Variants in TCERG1 observed in about 807,000 individuals in gnomAD.
TCERG1 encodes the protein TATA box binding protein (TBP)-associated factor, RNA polymerase II, S, 150kD.
A neutral mutation model predicts 144.7 loss-of-function variants in TCERG1; 37 were observed. That is an observed-to-expected ratio of 0.26 (90% CI 0.20 to 0.34). The LOEUF (loss-of-function observed/expected upper bound fraction) is 0.34, where lower values mean the gene tolerates loss of function less well. Ranked by LOEUF, TCERG1 falls within the 10% of genes least tolerant of loss-of-function variation. TCERG1 has a pLI of 1.00. For synonymous variants in TCERG1, 492 were observed against 458.2 expected (o/e 1.07, Z -0.94); for missense variants, 1,027 against 1,380.7 (o/e 0.74, Z 4.06).
intron 14 of TCERG1, among the ~76,000 whole-genome samples, chr5:146,483,097 T>C (rs1199673424): frequency 1.3e-5 from 2 of 152,200 alleles, no homozygotes; most frequent in Admixed American, 1.3e-4. Flanking sequence ...GAACTGATAC[T>C]TTGTGATATT....
intron 5 of TCERG1, among the ~76,000 whole-genome samples, chr5:146,464,303 T>C (rs2150327598): frequency 6.6e-6 from 1 of 152,354 alleles, no homozygotes; most frequent in East Asian, 1.9e-4. Flanking sequence ...GATTTGAGCC[T>C]GTGCCCTCCA....
Position 146,508,521 on chromosome 5 carries a change from T to C in TCERG1, c.3045+565T>C, listed in dbSNP as rs149355069. ...AATATTCTTCCCCCTCAAAGTCTAT[T>C]GGATTGTAGATGTTTGGACCATAAA... On this transcript the variant is annotated intron_variant, in intron 21 of 22. Transcript: ENST00000679501. 7.2e-5 allele frequency among the ~76,000 whole-genome samples: 11 copies of C among 152,314 alleles called. 1 individual carries two copies. In the East Asian group the frequency reaches 2.1e-3, roughly 29 times the overall value.
chr5:146,472,420 A>T (rs988074828), intron 9 of TCERG1, among the ~76,000 whole-genome samples: 1 of 151,648 alleles, frequency 6.6e-6, no homozygotes, highest in Non-Finnish European at 1.5e-5. Flanking sequence ...AAACTTTTTC[A>T]TTATTTTTAT....
intron 9 of TCERG1, among the ~76,000 whole-genome samples, chr5:146,477,771 T>TA (rs931778035): frequency 2.0e-5 from 3 of 150,056 alleles, no homozygotes; most frequent in African/African-American, 7.4e-5. Flanking sequence ...GATCACAACT[T>TA]ACTGCAGCCT....
intron 15 of TCERG1, among the ~76,000 whole-genome samples, chr5:146,491,896 G>A (rs1766463903): frequency 6.6e-6 from 1 of 152,116 alleles, no homozygotes; most frequent in Non-Finnish European, 1.5e-5. Context: ...CTTTATTTAT[G>A]GAAATACTGT....
intron 1 of TCERG1, among the ~76,000 whole-genome samples, chr5:146,453,645 G>T (rs865894351): frequency 3.3e-5 from 5 of 152,088 alleles, no homozygotes; most frequent in East Asian, 1.9e-4. Context: ...AGTTAAAATT[G>T]TGTTGTTATT....
intron 10 of TCERG1, among the ~76,000 whole-genome samples, chr5:146,478,870 A>G (rs2063361538): frequency 1.3e-5 from 2 of 151,996 alleles, no homozygotes; most frequent in Admixed American, 6.6e-5. Flanking sequence ...GTGTGTCTTT[A>G]ATTTATTGTC....
chr5:146,467,813 G>C (rs1300169122), intron 5 of TCERG1, among the ~76,000 whole-genome samples: 1 of 152,072 alleles, frequency 6.6e-6, no homozygotes, highest in Non-Finnish European at 1.5e-5. Flanking sequence ...GGAATATTTG[G>C]ATCCATCTCA....
intron 22 of TCERG1, 137 bp downstream of exon 22, chr5:146,509,382 C>T: frequency 1.8e-6 from 1 of 555,592 alleles, no homozygotes; most frequent in Non-Finnish European, 3.1e-6. Context: ...AACTTCTGTC[C>T]AAAGTCAAAT....
chr5:146,448,959 C>A (rs141930952), intron 1 of TCERG1, among the ~76,000 whole-genome samples: 1 of 152,276 alleles, frequency 6.6e-6, no homozygotes, highest in African/African-American at 2.4e-5. Flanking sequence ...ATAGTCTAGA[C>A]ACTGTTGCAC....
At chr5:146,486,335 T>C (rs1315380079) in intron 15 of TCERG1, among the ~76,000 whole-genome samples, 1 of 152,236 alleles carries the variant, frequency 6.6e-6, no homozygotes, top group African/African-American at 2.4e-5. Flanking sequence ...GTATTTTATA[T>C]AATTGTAACC....
chr5:146,454,197 C>G (rs1225854353), intron 1 of TCERG1, among the ~76,000 whole-genome samples: 1 of 135,974 alleles, frequency 7.4e-6, no homozygotes, highest in African/African-American at 2.7e-5. Context: ...GAGACTTGGT[C>G]TCAAAAAAAA....
rs778748025 is a variant in TCERG1, at chr5:146,463,651, C to G, written c.993C>G (p.Thr331=). 6.2e-7 allele frequency: 1 copy of G among 1,614,172 alleles called. No individual in the cohort carries two copies. The highest frequency in any genetic ancestry group is 1.7e-5 in the Admixed American group (1 of 60,020). Residue 331 remains threonine, a synonymous_variant, in exon 5 of 23, where the codon ACC becomes ACG. Coordinates refer to ENST00000679501, the MANE Select transcript of TCERG1 (RefSeq NM_001382548.1). The part of the protein sequence containing the change: ...TPAPTATPVQ[T]VPQPHPQTLP... ...CTCCTACAGCCACACCTGTGCAAAC[C>G]GTTCCCCAGCCGCACCCTCAGACGT... is the stretch of plus-strand genomic sequence containing the variant.
At chr5:146,452,173 T>C (rs192097831) in intron 1 of TCERG1, among the ~76,000 whole-genome samples, 1 of 152,266 alleles carries the variant, frequency 6.6e-6, no homozygotes, top group Admixed American at 6.5e-5. Flanking sequence ...CAAAGGGTAA[T>C]CTATAAGCAG....
intron 4 of TCERG1, chr5:146,461,980 T>A (rs1763369431): frequency 6.6e-6 from 1 of 152,572 alleles, no homozygotes; most frequent in Non-Finnish European, 1.5e-5. Flanking sequence ...TTTTTCACAC[T>A]GTTATAAAAT....
At chr5:146,488,726 T>C (rs1581518840) in intron 15 of TCERG1, among the ~76,000 whole-genome samples, 2 of 152,244 alleles carry the variant, frequency 1.3e-5, no homozygotes, top group Middle Eastern at 3.4e-3. Flanking sequence ...CTATCAGGTA[T>C]GTATTGAAAG....
chr5:146,471,331 G>A (rs985853225), intron 8 of TCERG1, among the ~76,000 whole-genome samples, 157 bp from the exon 9 acceptor site: 1 of 152,190 alleles, frequency 6.6e-6, no homozygotes, highest in African/African-American at 2.4e-5. Context: ...CTTTCTGGGG[G>A]ATGAGGATTT....
rs1402716842 is a variant in TCERG1, at chr5:146,493,003, C to CA, written c.2254dup (p.Met752AsnfsTer8). On this transcript the variant is annotated frameshift_variant, in exon 16 of 23. Transcript: ENST00000679501. LOFTEE classifies it high-confidence loss of function. ...AAATAATGCAAGCCAAGGAAGATTTCAAAAAAATGATGGAAGAAGCAAAAT... is the reference window on the plus strand; with the variant it reads ...AAATAATGCAAGCCAAGGAAGATTTCAAAAAAAATGATGGAAGAAGCAAAAT... 6.2e-7 allele frequency: 1 copy of CA among 1,603,232 alleles called. No individual in the cohort carries two copies. The highest frequency in any genetic ancestry group is 1.4e-5 in the African/African-American group (1 of 74,070).
At chr5:146,463,893 C>A in intron 5 of TCERG1, 100 bp downstream of exon 5, 2 of 1,507,792 alleles carry the variant, frequency 1.3e-6, no homozygotes, top group Non-Finnish European at 1.8e-6. Context: ...CCTTGAATCT[C>A]ACCTGTTTGA....
Sources: allele counts gnomAD v4.1 joint callset (sites outside exome capture counted in the v4.1 genomes callset), GRCh38; gene constraint gnomAD v4.1.1; transcripts MANE v1.5; gene names NCBI Gene and HGNC (gene_info 2026-07-23, HGNC 2026-07-21).